Variants in SCHIP1 observed in about 807,000 individuals in gnomAD.
SCHIP1 encodes schwannomin interacting protein 1.
SCHIP1 carries 8 observed loss-of-function variants against 29.7 expected under a neutral mutation model. That is an observed-to-expected ratio of 0.27 (90% CI 0.16 to 0.49). The LOEUF (loss-of-function observed/expected upper bound fraction) is 0.49. Ranked by LOEUF, SCHIP1 falls within the 20% of genes least tolerant of loss-of-function variation. The probability of loss-of-function intolerance (pLI) is 0.99; values close to 1 mark genes in which losing one functional copy is unlikely to be tolerated. For synonymous variants in SCHIP1, 76 were observed against 94.9 expected, an observed-to-expected ratio of 0.80 and a Z score of 1.16; for missense variants, 193 against 294.6, an observed-to-expected ratio of 0.66 and a Z score of 2.52.
chr3:159,384,108 C>T, the SCHIP1 span, among the ~76,000 whole-genome samples: 26 of 151,632 alleles, frequency 1.7e-4, no homozygotes, highest in South Asian at 4.2e-3. Flanking sequence ...ATTTCCTTCT[C>T]CTGCCTAATT....
the SCHIP1 span, among the ~76,000 whole-genome samples, chr3:159,476,572 C>T: frequency 4.0e-5 from 6 of 151,706 alleles, no homozygotes; most frequent in African/African-American, 4.8e-5. Flanking sequence ...GAATAGAATA[C>T]GCAACTAAAA....
intron 1 of SCHIP1, among the ~76,000 whole-genome samples, chr3:159,852,332 T>C (rs1712758201): frequency 1.3e-5 from 2 of 152,246 alleles, no homozygotes. Context: ...GCCCTTTGAA[T>C]TCTTTTCTGA....
At chr3:159,669,592 G>A in the SCHIP1 span, among the ~76,000 whole-genome samples, 1 of 152,152 alleles carries the variant, frequency 6.6e-6, no homozygotes, top group East Asian at 1.9e-4. Flanking sequence ...GCTAGATTAA[G>A]AGCCCTCCCA....
At chr3:159,674,598 T>TA in the SCHIP1 span, among the ~76,000 whole-genome samples, 3,600 of 53,634 alleles carry the variant, frequency 0.067, 252 homozygotes, top group African/African-American at 0.15. Context: ...GGGTCAGGAT[T>TA]AAAAAAAAAA....
At chr3:159,314,586 CT>C in the SCHIP1 span, among the ~76,000 whole-genome samples, 1 of 152,110 alleles carries the variant, frequency 6.6e-6, no homozygotes, top group African/African-American at 2.4e-5. Flanking sequence ...ATAGGTATGT[CT>C]GGATATATTG....
At chr3:159,443,083 A>G in the SCHIP1 span, among the ~76,000 whole-genome samples, 1 of 152,212 alleles carries the variant, frequency 6.6e-6, no homozygotes, top group African/African-American at 2.4e-5. Flanking sequence ...GAACCCAAAT[A>G]CATTCAGAGT....
chr3:159,660,321 G>A, the SCHIP1 span, among the ~76,000 whole-genome samples: 5 of 152,130 alleles, frequency 3.3e-5, no homozygotes, highest in Admixed American at 1.3e-4. Flanking sequence ...GCTACCTTTT[G>A]CTTTAGTACC....
At chr3:159,660,730 C>T in the SCHIP1 span, among the ~76,000 whole-genome samples, 3 of 152,130 alleles carry the variant, frequency 2.0e-5, no homozygotes, top group Non-Finnish European at 4.4e-5. Context: ...TTGAAGTTCT[C>T]TTTCAGAGGT....
chr3:159,726,300 A>G, the SCHIP1 span, among the ~76,000 whole-genome samples: 2 of 152,216 alleles, frequency 1.3e-5, no homozygotes, highest in Non-Finnish European at 2.9e-5. Flanking sequence ...GTTGCAAACC[A>G]CTGTCTTTTA....
At chr3:159,890,126 G>A (rs2109479136) in intron 5 of SCHIP1, among the ~76,000 whole-genome samples, 1 of 151,744 alleles carries the variant, frequency 6.6e-6, no homozygotes, top group East Asian at 1.9e-4. Context: ...GAAAAGAAAA[G>A]CCTCTGTCTT....
intron 2 of SCHIP1, among the ~76,000 whole-genome samples, chr3:159,878,268 A>G (rs1716048268): frequency 6.6e-6 from 1 of 151,064 alleles, no homozygotes; most frequent in African/African-American, 2.4e-5. Context: ...ACATGAGGTC[A>G]GTAGTTCGGG....
chr3:159,330,804 G>T, the SCHIP1 span, among the ~76,000 whole-genome samples: 3 of 152,266 alleles, frequency 2.0e-5, no homozygotes, highest in East Asian at 5.8e-4. Context: ...TGTTTGAAAA[G>T]GAACTGGTCC....
the SCHIP1 span, chr3:159,764,296 G>A: frequency 4.3e-6 from 4 of 923,930 alleles, no homozygotes; most frequent in Non-Finnish European, 4.6e-6. The surrounding 1 kb of genome is among the most constrained non-coding windows in gnomAD (Gnocchi z 6.1). Context: ...GGCTGGTGCT[G>A]GCTCCCGCCC....
At chr3:159,727,333 T>G in the SCHIP1 span, among the ~76,000 whole-genome samples, 179 of 152,330 alleles carry the variant, frequency 1.2e-3, no homozygotes, top group Non-Finnish European at 1.8e-3. Flanking sequence ...TTTTATTTAT[T>G]TACTGGTCTG....
At chr3:159,492,307 T>A in the SCHIP1 span, among the ~76,000 whole-genome samples, 25 of 152,166 alleles carry the variant, frequency 1.6e-4, 1 homozygote, top group South Asian at 5.2e-3. Context: ...TACTCCAAGC[T>A]AAAGGAGGAA....
the SCHIP1 span, among the ~76,000 whole-genome samples, chr3:159,712,522 G>T: frequency 6.7e-6 from 1 of 150,322 alleles, no homozygotes; most frequent in Admixed American, 6.6e-5. Context: ...TTCAAGACCA[G>T]CCTGAACAAC....
At chr3:159,307,729 T>A in the SCHIP1 span, among the ~76,000 whole-genome samples, 1 of 152,226 alleles carries the variant, frequency 6.6e-6, no homozygotes, top group East Asian at 1.9e-4. Flanking sequence ...GTTTTTAATG[T>A]ATTTTGAGTT....
chr3:159,709,409 G>A, the SCHIP1 span, among the ~76,000 whole-genome samples: 20 of 152,176 alleles, frequency 1.3e-4, no homozygotes, highest in Admixed American at 1.3e-3. Context: ...ACAATAGCAT[G>A]TGAATTATAA....
chr3:159,701,791 C>T, the SCHIP1 span, among the ~76,000 whole-genome samples: 1 of 151,718 alleles, frequency 6.6e-6, no homozygotes, highest in Admixed American at 6.6e-5. Flanking sequence ...TCTATTTTCT[C>T]ATGCAAATAG....
Sources: gnomAD v4.1 joint callset for allele counts (sites outside exome capture counted in the v4.1 genomes callset) on GRCh38, gnomAD v4.1.1 for gene constraint, Gnocchi (gnomAD v3.1) non-coding constraint, MANE v1.5 for transcripts, NCBI Gene and HGNC (gene_info 2026-07-23, HGNC 2026-07-21) for gene names.